ODF2: variants seen among roughly 807,000 people sequenced by gnomAD.
ODF2 encodes outer dense fiber of sperm tails 2.
A neutral mutation model predicts 110.2 loss-of-function variants in ODF2; 47 were observed. The observed-to-expected ratio is 0.43, with a 90% CI of 0.34 to 0.54. The LOEUF (loss-of-function observed/expected upper bound fraction) is 0.54, where lower values mean the gene tolerates loss of function less well. Among genes scored for constraint, ODF2 ranks in the 20% least tolerant of loss-of-function variants. ODF2 has a pLI of 0.03. For missense variants in ODF2, 812 were observed against 1,054.5 expected, an observed-to-expected ratio of 0.77 and a Z score of 3.19; for synonymous variants, 352 against 397.7, an observed-to-expected ratio of 0.89 and a Z score of 1.37.
intron 13 of ODF2, among the ~76,000 whole-genome samples, chr9:128,486,096 A>G (rs1333449918): frequency 6.6e-6 from 1 of 152,170 alleles, no homozygotes; most frequent in Non-Finnish European, 1.5e-5. Context: ...GCTGGCCACC[A>G]GGGTTACAGC....
chr9:128,471,571 ACT>A, intron 6 of ODF2, 103 bp downstream of exon 6: 2 of 1,059,594 alleles, frequency 1.9e-6, no homozygotes, highest in Non-Finnish European at 2.8e-6. Context: ...GGGCACAGGC[ACT>A]GTGCCTGTGC....
At chr9:128,497,669 C>G (rs954828887) in intron 18 of ODF2, 6 of 151,608 alleles carry the variant, frequency 4.0e-5, no homozygotes, top group Admixed American at 4.0e-4. Flanking sequence ...GGCAAGAGTC[C>G]TCCAGCCCTG....
At chr9:128,487,923 C>A (rs762685864) in exon 14 of ODF2, 1 of 1,613,976 alleles carries the variant, frequency 6.2e-7, no homozygotes, top group East Asian at 2.2e-5. Flanking sequence ...AACAACAAAC[C>A]CTGGAGGAGA....
intron 4 of ODF2, among the ~76,000 whole-genome samples, chr9:128,466,559 G>A (rs976909360): frequency 4.6e-5 from 7 of 151,040 alleles, no homozygotes; most frequent in African/African-American, 7.3e-5. Flanking sequence ...CCTGTGTAAC[G>A]ATCACCCAGC....
At chr9:128,484,747 T>C in exon 12 of ODF2, 1 of 1,600,884 alleles carries the variant, frequency 6.2e-7, no homozygotes, top group Non-Finnish European at 8.5e-7. Context: ...GTGGAGGCCA[T>C]CATGGAGCAG....
intron 13 of ODF2, among the ~76,000 whole-genome samples, chr9:128,487,082 CTCTT>C (rs961354369): frequency 3.3e-5 from 5 of 152,098 alleles, no homozygotes; most frequent in Admixed American, 6.5e-5. Context: ...CTCTCTCTCT[CTCTT>C]TTTTTTCTTA....
At chr9:128,455,357 C>G, upstream of ODF2, 1 of 662,482 alleles carries the variant, frequency 1.5e-6, no homozygotes, top group Non-Finnish European at 2.4e-6. Context: ...GGAGACTATC[C>G]TGCCCAACAC....
At chr9:128,462,792 A>T (rs1486430367) in intron 4 of ODF2, among the ~76,000 whole-genome samples, 1 of 151,182 alleles carries the variant, frequency 6.6e-6, no homozygotes, top group Non-Finnish European at 1.5e-5. Flanking sequence ...ACGGGGTTTC[A>T]CCGTGTTAGC....
At chr9:128,497,565 A>G (rs929478129) in intron 18 of ODF2, 5 of 142,352 alleles carry the variant, frequency 3.5e-5, no homozygotes. Flanking sequence ...AATGGCGTGA[A>G]CCCGGGAGGC....
At chr9:128,457,393 T>C in exon 2 of ODF2, 1 of 1,613,282 alleles carries the variant, frequency 6.2e-7, no homozygotes, top group Non-Finnish European at 8.5e-7. Flanking sequence ...CTTTGCGGCT[T>C]TGATGCCTAG....
chr9:128,461,017 T>G (rs1564456929), exon 4 of ODF2: 1 of 1,614,106 alleles, frequency 6.2e-7, no homozygotes, highest in Non-Finnish European at 8.5e-7. Context: ...CAAGGTACCT[T>G]GGATGCCCCC....
intron 8 of ODF2, among the ~76,000 whole-genome samples, chr9:128,478,817 T>C (rs1314135657): frequency 6.6e-6 from 1 of 152,150 alleles, no homozygotes; most frequent in Non-Finnish European, 1.5e-5. Context: ...TGCTGGGTAG[T>C]GCTCAGTGTG....
At position 128,494,602 on chromosome 9, in the gene ODF2, C is replaced by T. The variant is rs1284636116; in HGVS notation, c.1845C>T (p.Asp615=). Residue 615 remains aspartate (D), a synonymous_variant, in exon 17 of 21, where the codon GAC becomes GAT. Coordinates refer to ENST00000604420, the Ensembl canonical transcript of ODF2. The surrounding 1 kb of genome is among the most constrained non-coding windows in gnomAD (Gnocchi z 4.6). ...AGGCGAAGCTGGCTGAGTGCCAAGA[C>T]CAACTGCAGGGCTATGAGCGGAAGA... 6.2e-7 allele frequency: 1 copy of T among 1,614,058 alleles called. No homozygotes were observed. The highest frequency in any genetic ancestry group is 8.5e-7 in the Non-Finnish European group (1 of 1,180,032).
At chr9:128,457,155 C>CCCCA (rs1345918212) in intron 1 of ODF2, 1 of 1,495,458 alleles carries the variant, frequency 6.7e-7, no homozygotes, top group Non-Finnish European at 8.9e-7. Context: ...TCCCCTCTGC[C>CCCCA]CCCAGGTCGC....
At chr9:128,462,415 C>G (rs1836721265) in intron 4 of ODF2, among the ~76,000 whole-genome samples, 1 of 152,134 alleles carries the variant, frequency 6.6e-6, no homozygotes, top group Admixed American at 6.6e-5. Flanking sequence ...TCCCAAAGTG[C>G]TGGGATTACA....
chr9:128,455,455 C>G (rs7465928), upstream of ODF2: 294,083 of 296,092 alleles, frequency 0.99, 146,070 homozygotes, highest in Middle Eastern at 1. Flanking sequence ...TCGGGAGGCT[C>G]AGGCAGGAGA....
chr9:128,484,641 C>A (rs1843033880), intron 11 of ODF2, 60 bp from the exon 12 acceptor site: 2 of 1,526,818 alleles, frequency 1.3e-6, no homozygotes, highest in Admixed American at 2.0e-5. Flanking sequence ...CTCTGCTTTG[C>A]CTTCCCACAA....
intron 4 of ODF2, among the ~76,000 whole-genome samples, chr9:128,463,869 G>C (rs1837161948): frequency 6.6e-6 from 1 of 151,508 alleles, no homozygotes; most frequent in East Asian, 1.9e-4. Flanking sequence ...TTTTGAGAAA[G>C]AGTCTCGTTT....
At chr9:128,467,381 C>T (rs1431506597) in intron 4 of ODF2, among the ~76,000 whole-genome samples, 5 of 151,976 alleles carry the variant, frequency 3.3e-5, no homozygotes, top group Admixed American at 2.6e-4. Flanking sequence ...TGTTACGTGG[C>T]ACATGACTGT....
Sources: gnomAD v4.1 joint callset for allele counts (sites outside exome capture counted in the v4.1 genomes callset) on GRCh38, gnomAD v4.1.1 for gene constraint, Gnocchi (gnomAD v3.1) non-coding constraint, MANE v1.5 for transcripts, NCBI Gene and HGNC (gene_info 2026-07-23, HGNC 2026-07-21) for gene names.